Variants in AKAP9 observed in about 807,000 individuals in gnomAD.
AKAP9 encodes the protein A-kinase anchor protein 9.
AKAP9 carries 311 observed loss-of-function variants against 488.5 expected under a neutral mutation model. The ratio of observed to expected loss-of-function variants is 0.64; its 90% CI spans 0.58 to 0.70. The LOEUF is 0.70. AKAP9 is among the 30% of genes least tolerant of loss of function. The probability of loss-of-function intolerance (pLI) is 0.00; values close to 1 mark genes in which losing one functional copy is unlikely to be tolerated. For synonymous variants in AKAP9, 1,462 were observed against 1,483.5 expected, an observed-to-expected ratio of 0.99 and a Z score of 0.33; for missense variants, 4,215 against 4,374.5, an observed-to-expected ratio of 0.96 and a Z score of 1.03.
intron 28 of AKAP9, among the ~76,000 whole-genome samples, chr7:92,075,159 A>T (rs1166479085): frequency 1.3e-5 from 2 of 152,158 alleles, no homozygotes; most frequent in African/African-American, 4.8e-5. Context: ...CTCCCACATG[A>T]TGCCAACTCT....
intron 36 of AKAP9, 145 bp from the exon 37 acceptor site, chr7:92,086,083 G>A: frequency 1.4e-6 from 1 of 727,158 alleles, no homozygotes; most frequent in Non-Finnish European, 2.2e-6. Flanking sequence ...GAGTGAGACT[G>A]TCTCAAAAAG....
At chr7:92,102,150 C>T (rs1298387682) in intron 45 of AKAP9, among the ~76,000 whole-genome samples, 5 of 129,056 alleles carry the variant, frequency 3.9e-5, no homozygotes, top group Non-Finnish European at 1.6e-5. Context: ...AGTGAGACTC[C>T]GTCTCATAAA....
At chr7:92,040,646 G>GTTTTTT (rs71292989) in intron 17 of AKAP9, 28 bp from the exon 18 acceptor site, 9 of 1,118,948 alleles carry the variant, frequency 8.0e-6, no homozygotes, top group East Asian at 2.7e-5. Flanking sequence ...TGGTTGAATT[G>GTTTTTT]TTTTTTTTTT....
chr7:92,087,476 A>G (rs1290683130), intron 37 of AKAP9, among the ~76,000 whole-genome samples: 1 of 152,224 alleles, frequency 6.6e-6, no homozygotes, highest in Non-Finnish European at 1.5e-5. Flanking sequence ...TTCTAAAAAG[A>G]AATTCACTTA....
chr7:92,062,402 G>A lies in AKAP9; in HGVS notation c.5893G>A (p.Glu1965Lys). 6.2e-7 allele frequency: 1 copy of A among 1,613,884 alleles called. No individual in the cohort carries two copies. Among genetic ancestry groups the A allele is most frequent in the Non-Finnish European group, 8.5e-7 (1 of 1,179,870 alleles). Residue 1965 changes from glutamate (E) to lysine (K), a missense_variant, in exon 24 of 50, where the codon GAG (glutamate) becomes AAG (lysine). Glu to Lys is a moderately conservative substitution (Grantham distance 56). Coordinates refer to ENST00000356239, the MANE Select transcript of AKAP9 (RefSeq NM_005751.5). ...ASNRLQELEA[E>K]QQQIQEEREL... is the part of the protein sequence containing the mutation. Reference sequence around the variant, plus strand: ...TAACAGGTTGCAAGAATTGGAGGCAGAGCAACAGCAGATCCAAGAAGAAAG... The same window carrying A: ...TAACAGGTTGCAAGAATTGGAGGCAAAGCAACAGCAGATCCAAGAAGAAAG...
intron 8 of AKAP9, among the ~76,000 whole-genome samples, chr7:92,008,224 G>A (rs563504580): frequency 2.6e-4 from 39 of 152,042 alleles, no homozygotes; most frequent in African/African-American, 6.5e-4. Flanking sequence ...AAAATTAGCC[G>A]GGCATGGGGG....
At chr7:92,102,443 T>C in intron 45 of AKAP9, 151 bp from the exon 46 acceptor site, 1 of 603,858 alleles carries the variant, frequency 1.7e-6, no homozygotes, top group South Asian at 2.0e-5. Flanking sequence ...CCTGCCGTTT[T>C]ACTATTACTA....
intron 7 of AKAP9, among the ~76,000 whole-genome samples, chr7:91,998,588 C>G (rs987230704): frequency 6.6e-6 from 1 of 151,896 alleles, no homozygotes; most frequent in South Asian, 2.1e-4. Flanking sequence ...AGGTGTTGGA[C>G]AATTTTGAAT....
intron 35 of AKAP9, 103 bp downstream of exon 35, chr7:92,085,043 G>A: frequency 2.3e-6 from 3 of 1,320,144 alleles, no homozygotes; most frequent in South Asian, 2.4e-5. Context: ...TCTGAAGAGA[G>A]AATTGCTTAG....
chr7:91,966,281 C>T (rs534178915), intron 1 of AKAP9, among the ~76,000 whole-genome samples: 1 of 152,086 alleles, frequency 6.6e-6, no homozygotes, highest in African/African-American at 2.4e-5. Context: ...TTCCCCAGAC[C>T]AATGTCCTAG....
In AKAP9 at chr7:92,002,679, A is replaced by G. The variant is rs1584045006; in HGVS notation, c.2762A>G (p.Lys921Arg). ...KMKSSVFDED[K>R]TFVAETLEMG... ...AAAAGTTCTGTCTTTGATGAAGACA[A>G]AACTTTTGTAGCAGAAACATTGGAA... is the stretch of plus-strand genomic sequence containing the variant. Residue 921 changes from lysine to arginine, a missense_variant, in exon 8 of 50, where the codon AAA becomes AGA. By Grantham distance (26) the Lys-to-Arg change is conservative (BLOSUM62 2). Coordinates refer to ENST00000356239, the MANE Select transcript of AKAP9 (RefSeq NM_005751.5). The G allele has an allele frequency of 1.2e-6, 2 of 1,613,500 alleles. No homozygotes were observed. The highest frequency in any genetic ancestry group is 1.7e-6 in the Non-Finnish European group (2 of 1,179,674).
At chr7:92,068,380 A>G (rs948137158) in intron 26 of AKAP9, among the ~76,000 whole-genome samples, 9 of 151,444 alleles carry the variant, frequency 5.9e-5, no homozygotes, top group Admixed American at 2.6e-4. Context: ...AAAAAAAAAA[A>G]AAAAAAAGAA....
chr7:91,959,207 A>G (rs1227445865), intron 1 of AKAP9, among the ~76,000 whole-genome samples: 1 of 152,114 alleles, frequency 6.6e-6, no homozygotes, highest in Non-Finnish European at 1.5e-5. Context: ...TTTGACAGCT[A>G]CATGTTATTA....
Position 92,089,452 on chromosome 7 carries a change from T to C in AKAP9, c.9281T>C (p.Ile3094Thr), listed in dbSNP as rs752708653. Residue 3094 changes from isoleucine (I) to threonine (T), a missense_variant, in exon 38 of 50, where the codon ATT (isoleucine) becomes ACT (threonine). Ile to Thr is a moderately conservative substitution (Grantham distance 89). Around this residue, in one of 5 missense-constraint regions of AKAP9, gnomAD observed 1,476 missense variants for 1,477.4 expected, o/e 1.00. Coordinates refer to ENST00000356239, the MANE Select transcript of AKAP9 (RefSeq NM_005751.5). ...KADRRSLLSEIQALHAQMNGR... is the reference protein window; with the variant it reads ...KADRRSLLSETQALHAQMNGR... Reference sequence around the variant, plus strand: ...GATAGAAGGAGTTTGTTATCTGAAATTCAGGCACTGCATGCACAAATGAAT... The same window carrying C: ...GATAGAAGGAGTTTGTTATCTGAAACTCAGGCACTGCATGCACAAATGAAT... The C allele has an allele frequency of 2.5e-6, 4 of 1,612,964 alleles. No individual in the cohort carries two copies. The highest frequency in any genetic ancestry group is 3.4e-6 in the Non-Finnish European group (4 of 1,179,752).
At chr7:92,082,409 T>C in intron 31 of AKAP9, 113 bp from the exon 32 acceptor site, 2 of 1,162,430 alleles carry the variant, frequency 1.7e-6, no homozygotes, top group Non-Finnish European at 2.5e-6. Context: ...TTCCAACTCC[T>C]TATATCTGTA....
chr7:92,100,511 T>C lies in AKAP9; in HGVS notation c.10897-345T>C, dbSNP rs375763324. On this transcript the variant is annotated intron_variant, in intron 44 of 49. Transcript: ENST00000356239. ...TTATTATGTACATACTGGCTTGTTT[T>C]TTTCCCACTTCTCCAGTACACTATT... is the stretch of plus-strand genomic sequence containing the variant. 2.5e-4 allele frequency among the ~76,000 whole-genome samples: 38 copies of C among 152,348 alleles called. No individual in the cohort carries two copies. The East Asian group carries it at 7.1e-3, about 29-fold the overall frequency.
At chr7:92,025,787 T>C (rs1046852962) in intron 14 of AKAP9, among the ~76,000 whole-genome samples, 6 of 152,196 alleles carry the variant, frequency 3.9e-5, no homozygotes, top group Admixed American at 2.6e-4. Context: ...AATGAAACAG[T>C]AACTGAGAAG....
intron 10 of AKAP9, among the ~76,000 whole-genome samples, chr7:92,015,063 A>G (rs1425602816): frequency 2.0e-5 from 3 of 152,224 alleles, no homozygotes; most frequent in African/African-American, 7.2e-5. Context: ...GGCTATGCTG[A>G]AAATTTAATA....
At chr7:91,983,565 C>G (rs2130602175) in intron 3 of AKAP9, among the ~76,000 whole-genome samples, 1 of 152,154 alleles carries the variant, frequency 6.6e-6, no homozygotes, top group Non-Finnish European at 1.5e-5. Context: ...GGGTATATAC[C>G]CAGTAATGGG....
Sources: allele counts gnomAD v4.1 joint callset (sites outside exome capture counted in the v4.1 genomes callset), GRCh38; gene constraint gnomAD v4.1.1; regional missense constraint gnomAD v4.1.1; transcripts MANE v1.5; gene names NCBI Gene and HGNC (gene_info 2026-07-23, HGNC 2026-07-21).